Variants in RAPGEF6 observed in about 807,000 individuals in gnomAD.
The protein encoded by RAPGEF6 is PDZ domain containing guanine nucleotide exchange factor (GEF) 2.
Under a neutral mutation model 171.4 loss-of-function variants are expected in RAPGEF6, and 56 were observed. That is an observed-to-expected ratio of 0.33 (90% CI 0.26 to 0.41). The LOEUF is 0.41. Ranked by LOEUF, RAPGEF6 falls within the 10% of genes least tolerant of loss-of-function variation. RAPGEF6 has a pLI of 1.00. For synonymous variants in RAPGEF6, 692 were observed against 650.1 expected (o/e 1.06, Z -0.98); for missense variants, 1,674 against 1,921.4 (o/e 0.87, Z 2.41).
chr5:131,514,773 G>A (rs1024079086), intron 7 of RAPGEF6, among the ~76,000 whole-genome samples: 3 of 152,110 alleles, frequency 2.0e-5, no homozygotes, highest in South Asian at 2.1e-4. Flanking sequence ...ATAATACCAC[G>A]AGTGGAAATA....
chr5:131,612,572 T>C (rs1189504323), intron 1 of RAPGEF6, among the ~76,000 whole-genome samples: 1 of 152,168 alleles, frequency 6.6e-6, no homozygotes, highest in Non-Finnish European at 1.5e-5. Context: ...GAGTTAGGTG[T>C]AGGCAGGCAG....
In RAPGEF6 at chr5:131,442,521, A is replaced by G. The variant is rs1752452021; in HGVS notation, c.3438T>C (p.Ser1146=). 6.2e-7 allele frequency: 1 copy of G among 1,613,940 alleles called. No homozygotes were observed. Among genetic ancestry groups the G allele is most frequent in the African/African-American group, 1.3e-5 (1 of 75,056 alleles). The change falls in exon 23 of 28, where the codon AGT becomes AGC. Residue 1146 remains serine (S), a synonymous_variant. Coordinates refer to ENST00000509018, the MANE Select transcript of RAPGEF6 (RefSeq NM_016340.6). ...CAGATGATTTGGCTGATCTTTTCTC[A>G]CTTAAATTCTTGGTCACTAACAGGA... ...PAYGTLTKNL[S]EKRSAKSSEM...
At chr5:131,610,081 G>A (rs1764850415) in intron 1 of RAPGEF6, among the ~76,000 whole-genome samples, 1 of 152,212 alleles carries the variant, frequency 6.6e-6, no homozygotes, top group Non-Finnish European at 1.5e-5. Flanking sequence ...ATAATGGAAT[G>A]ACACCTTTTA....
intron 17 of RAPGEF6, among the ~76,000 whole-genome samples, chr5:131,466,061 A>G (rs1414490163): frequency 3.3e-5 from 5 of 151,826 alleles, no homozygotes; most frequent in African/African-American, 1.2e-4. Context: ...TATTTTCATA[A>G]AATAAATTTT....
chr5:131,613,141 T>A (rs1765037723), intron 1 of RAPGEF6, among the ~76,000 whole-genome samples: 2 of 152,230 alleles, frequency 1.3e-5, no homozygotes, highest in Non-Finnish European at 2.9e-5. Context: ...CCAGGTGTGG[T>A]GGCTCACGCC....
At chr5:131,600,270 C>T (rs768256103) in intron 3 of RAPGEF6, among the ~76,000 whole-genome samples, 2 of 152,174 alleles carry the variant, frequency 1.3e-5, no homozygotes, top group Non-Finnish European at 2.9e-5. Context: ...GCCTGTAATC[C>T]CAGCACTTTG....
Position 131,550,752 on chromosome 5 carries a change from C to T in RAPGEF6, c.352-2562G>A, listed in dbSNP as rs142678279. On this transcript the variant is annotated intron_variant, in intron 5 of 27. Transcript: ENST00000509018. ...ATTGTGTATACACACCTAGACTTCT[C>T]AAAAATGGGACATGTTCTCTACTGC... Among the ~76,000 whole-genome samples, 114 of 152,328 alleles carry T rather than the reference C, an allele frequency of 7.5e-4. 1 individual carries two copies. The East Asian group carries it at 0.021, about 28-fold the overall frequency.
intron 27 of RAPGEF6, among the ~76,000 whole-genome samples, 170 bp from the exon 28 acceptor site, chr5:131,427,461 T>C (rs1751446075): frequency 6.6e-6 from 1 of 152,160 alleles, no homozygotes. Context: ...ACATTGAAGG[T>C]TGACAATAAA....
At chr5:131,446,914 T>A in intron 21 of RAPGEF6, 1 of 525,790 alleles carries the variant, frequency 1.9e-6, no homozygotes. Flanking sequence ...TTCAAAAGAA[T>A]AGGATAACAA....
intron 17 of RAPGEF6, among the ~76,000 whole-genome samples, chr5:131,468,229 G>A (rs192259664): frequency 3.3e-5 from 5 of 151,424 alleles, no homozygotes; most frequent in African/African-American, 1.2e-4. Flanking sequence ...CTACTCGGGA[G>A]GCTGAGGCAG....
chr5:131,458,872 T>C (rs1402767831), intron 19 of RAPGEF6, among the ~76,000 whole-genome samples: 1 of 152,198 alleles, frequency 6.6e-6, no homozygotes, highest in Admixed American at 6.5e-5. Context: ...GTCAGGCTGG[T>C]CTAGAACTCC....
Position 131,478,935 on chromosome 5 carries a change from T to C in RAPGEF6, c.2081+578A>G, listed in dbSNP as rs899611979. Among the ~76,000 whole-genome samples, 6 of 152,206 alleles carry C rather than the reference T, an allele frequency of 3.9e-5. No homozygotes were observed. In the East Asian group the frequency reaches 9.6e-4, roughly 24 times the overall value. On this transcript the variant is annotated intron_variant, in intron 16 of 27. Coordinates refer to ENST00000509018, the MANE Select transcript of RAPGEF6 (RefSeq NM_016340.6). ...TATTGTACTGCTCTTGATTAGAACT[T>C]TTGTAATTGCTTCAGGAAGCTGCTA...
chr5:131,611,993 T>C (rs929993962), intron 1 of RAPGEF6, among the ~76,000 whole-genome samples: 9 of 152,138 alleles, frequency 5.9e-5, no homozygotes, highest in Non-Finnish European at 1.3e-4. Context: ...TTTACAATGA[T>C]GCAAAAGCGA....
intron 15 of RAPGEF6, among the ~76,000 whole-genome samples, chr5:131,483,185 C>G (rs1755609125): frequency 6.6e-6 from 1 of 151,734 alleles, no homozygotes; most frequent in African/African-American, 2.4e-5. Flanking sequence ...TCCATCTCTA[C>G]TGAAAATACA....
chr5:131,591,716 A>C (rs1763603131), intron 4 of RAPGEF6, among the ~76,000 whole-genome samples: 1 of 152,210 alleles, frequency 6.6e-6, no homozygotes, highest in Admixed American at 6.5e-5. Context: ...AAAGTCACAT[A>C]ACTAGTGATG....
At chr5:131,579,466 A>C (rs1167870985) in intron 4 of RAPGEF6, among the ~76,000 whole-genome samples, 1 of 152,182 alleles carries the variant, frequency 6.6e-6, no homozygotes, top group South Asian at 2.1e-4. Context: ...CATTTTACAG[A>C]GAGCTGATTG....
chr5:131,534,907 A>G (rs1383410086), intron 6 of RAPGEF6, among the ~76,000 whole-genome samples: 1 of 152,136 alleles, frequency 6.6e-6, no homozygotes, highest in East Asian at 1.9e-4. Context: ...ATCAAAAAGC[A>G]AAATTTTAAT....
rs770256784 is a variant in RAPGEF6, at chr5:131,505,448, A to G, written c.1017T>C (p.Phe339=). The G allele has an allele frequency of 2.5e-6, 4 of 1,613,614 alleles. No individual in the cohort carries two copies. The highest frequency in any genetic ancestry group is 1.1e-5 in the South Asian group (1 of 91,070). ...GAGTAATTCCAAAACTATTTCCCATAAACAAATTTTCAACTTTTCCATCTG... is the reference window on the plus strand; with the variant it reads ...GAGTAATTCCAAAACTATTTCCCATGAACAAATTTTCAACTTTTCCATCTG... ...SHPDGKVENL[F]MGNSFGITPT... is the part of the protein sequence containing the mutation. The change falls in exon 10 of 28, where the codon TTT becomes TTC. Residue 339 remains phenylalanine (F), a synonymous_variant. Coordinates refer to ENST00000509018, the MANE Select transcript of RAPGEF6 (RefSeq NM_016340.6).
intron 19 of RAPGEF6, among the ~76,000 whole-genome samples, chr5:131,461,018 C>A (rs1193452920): frequency 1.3e-5 from 2 of 152,114 alleles, no homozygotes; most frequent in Non-Finnish European, 2.9e-5. Flanking sequence ...TAAGAAGAAT[C>A]CCTTTGTTGA....
Sources: gnomAD v4.1 joint callset for allele counts (sites outside exome capture counted in the v4.1 genomes callset) on GRCh38, gnomAD v4.1.1 for gene constraint, MANE v1.5 for transcripts, NCBI Gene and HGNC (gene_info 2026-07-23, HGNC 2026-07-21) for gene names.